Variants in KMO observed in about 807,000 individuals in gnomAD.
KMO encodes kynurenine 3-hydroxylase.
KMO carries 24 observed loss-of-function variants against 57.8 expected under a neutral mutation model. The observed-to-expected ratio is 0.42, with a 90% confidence interval of 0.30 to 0.58. The LOEUF is 0.58. Among genes scored for constraint, KMO ranks in the 20% least tolerant of loss-of-function variants. The pLI, the probability that KMO is intolerant of heterozygous loss-of-function variation, is 0.22. For missense variants in KMO, 483 were observed against 588.2 expected, an observed-to-expected ratio of 0.82 and a Z score of 1.85; for synonymous variants, 210 against 193.6, an observed-to-expected ratio of 1.08 and a Z score of -0.70.
At chr1:241,551,925 G>T (rs984604965) in intron 4 of KMO, among the ~76,000 whole-genome samples, 1 of 152,094 alleles carries the variant, frequency 6.6e-6, no homozygotes, top group Admixed American at 6.6e-5. Flanking sequence ...ACGAGCTTCC[G>T]GGTGTTTACT....
Position 241,532,453 on chromosome 1 carries a change from ATC to A in KMO, c.11_12del (p.Ser4CysfsTer31). MDS[S>X]VIQRKKVAVI... Reference sequence around the variant, plus strand: ...AAAATACTTCAGCAGTTATGGACTCATCTGTCATTCAAAGGAAAAAAGTAGCT... The same window carrying A: ...AAAATACTTCAGCAGTTATGGACTCATGTCATTCAAAGGAAAAAAGTAGCT... On this transcript the variant is annotated frameshift_variant, in exon 1 of 15. Coordinates refer to ENST00000366559, the MANE Select transcript of KMO (RefSeq NM_003679.5). LOFTEE classifies it high-confidence loss of function. 1.2e-6 allele frequency: 2 copies of A among 1,611,116 alleles called. No homozygotes were observed. The highest frequency in any genetic ancestry group is 1.7e-6 in the Non-Finnish European group (2 of 1,179,300).
intron 7 of KMO, among the ~76,000 whole-genome samples, chr1:241,563,527 A>AT (rs10599899): frequency 1.3e-5 from 2 of 151,820 alleles, no homozygotes; most frequent in East Asian, 1.9e-4. Flanking sequence ...GTATTCGCTA[A>AT]TTTTTTAGTG....
chr1:241,577,212 T>C (rs893026650), intron 10 of KMO, among the ~76,000 whole-genome samples: 8 of 152,260 alleles, frequency 5.3e-5, no homozygotes, highest in African/African-American at 1.9e-4. Context: ...TTAATAATGT[T>C]TTGACATCTT....
At chr1:241,568,711 T>TTA (rs1662170399) in intron 10 of KMO, 64 bp downstream of exon 10, 1 of 1,495,980 alleles carries the variant, frequency 6.7e-7, no homozygotes, top group African/African-American at 1.4e-5. Flanking sequence ...CTAACAAGTC[T>TTA]TACGTAAAAA....
intron 1 of KMO, among the ~76,000 whole-genome samples, chr1:241,540,919 C>T (rs1266062838): frequency 6.6e-6 from 1 of 151,918 alleles, no homozygotes; most frequent in Non-Finnish European, 1.5e-5. Flanking sequence ...AAAAAATTAG[C>T]CAGGCATAGC....
At chr1:241,587,640 C>T (rs1366261370) in intron 11 of KMO, among the ~76,000 whole-genome samples, 5 of 152,144 alleles carry the variant, frequency 3.3e-5, no homozygotes, top group African/African-American at 9.6e-5. Context: ...GACGGGGTTT[C>T]GTCATGTTGG....
At chr1:241,539,670 T>C (rs1380257951) in intron 1 of KMO, among the ~76,000 whole-genome samples, 1 of 152,162 alleles carries the variant, frequency 6.6e-6, no homozygotes, top group African/African-American at 2.4e-5. Flanking sequence ...CTCTAGACCA[T>C]CAATATTCTC....
chr1:241,584,605 CG>C (rs1411704820), intron 10 of KMO, among the ~76,000 whole-genome samples: 7 of 145,382 alleles, frequency 4.8e-5, no homozygotes, highest in Admixed American at 1.4e-4. Context: ...AAAGAAATAG[CG>C]TTTAAAAGTT....
At chr1:241,574,653 G>T (rs1046171371) in intron 10 of KMO, among the ~76,000 whole-genome samples, 3 of 151,916 alleles carry the variant, frequency 2.0e-5, no homozygotes, top group African/African-American at 7.2e-5. Flanking sequence ...TTGATGTGCT[G>T]TTGGATTTGG....
intron 12 of KMO, 39 bp downstream of exon 12, chr1:241,588,869 C>A: frequency 7.3e-7 from 1 of 1,375,106 alleles, no homozygotes; most frequent in Non-Finnish European, 1.0e-6. Context: ...TGAGATGGTT[C>A]ACTGATATTC....
rs993668731 is a variant in KMO, at chr1:241,586,356, A to G, written c.958-323A>G. Among the ~76,000 whole-genome samples, 19 of 151,384 alleles carry G rather than the reference A, an allele frequency of 1.3e-4. 1 individual carries two copies. The highest frequency in any genetic ancestry group is 6.6e-5 in the Admixed American group (1 of 15,180). On this transcript the variant is annotated intron_variant, in intron 10 of 14. Coordinates refer to ENST00000366559, the MANE Select transcript of KMO (RefSeq NM_003679.5). ...TGGGACCACAGGCACACACCACCAC[A>G]TCCAGCTATTATTTTGTATTTTTAG...
At position 241,594,244 on chromosome 1, in the gene KMO, A is replaced by G. The variant is rs1219692138; in HGVS notation, c.*2091A>G. On this transcript the variant is annotated 3_prime_UTR_variant, in exon 15 of 15. Transcript: ENST00000366559. ...ATTATGTAAAGCACCCGTTGAATTA[A>G]AAGAATTTGTTTTTGTTCAACCTCT... The G allele has an allele frequency of 5.1e-6, 3 of 582,526 alleles. No homozygotes were observed. The highest frequency in any genetic ancestry group is 8.6e-6 in the Non-Finnish European group (3 of 349,450). The allele number at this position is 582,526 out of a possible 1,614,324, so 36.1% of individuals were successfully genotyped here.
chr1:241,573,877 T>C (rs562885421), intron 10 of KMO, among the ~76,000 whole-genome samples: 5 of 152,318 alleles, frequency 3.3e-5, no homozygotes, highest in African/African-American at 1.2e-4. Flanking sequence ...ATATTAACAA[T>C]ATTGTATCTT....
chr1:241,583,169 C>T (rs1662824660), intron 10 of KMO, among the ~76,000 whole-genome samples: 1 of 152,186 alleles, frequency 6.6e-6, no homozygotes, highest in South Asian at 2.1e-4. Context: ...CCATGCTAGG[C>T]TGCCTGGAGT....
At chr1:241,590,168 A>G (rs1199967495) in intron 13 of KMO, 36 bp from the exon 14 acceptor site, 10 of 1,608,294 alleles carry the variant, frequency 6.2e-6, no homozygotes, top group Non-Finnish European at 6.0e-6. Flanking sequence ...TAGCTGTTAA[A>G]GAATACACAA....
At chr1:241,562,380 G>T in intron 7 of KMO, 48 bp downstream of exon 7, 1 of 1,576,774 alleles carries the variant, frequency 6.3e-7, no homozygotes, top group Non-Finnish European at 8.7e-7. Flanking sequence ...CTTGCTCCAT[G>T]AGCGCGAATG....
In KMO at chr1:241,534,849, C is replaced by T. The variant is rs183119879; in HGVS notation, c.54+2351C>T. On this transcript the variant is annotated intron_variant, in intron 1 of 14. Coordinates refer to ENST00000366559, the MANE Select transcript of KMO (RefSeq NM_003679.5). ...ATCTCCCATTACAAATAAAATAAAA[C>T]CCAAACTCTTTACCAAAGGTCTTGT... 7.1e-3 allele frequency among the ~76,000 whole-genome samples: 1,079 copies of T among 152,308 alleles called. 8 individuals are homozygous for T. Among genetic ancestry groups the T allele is most frequent in the South Asian group, 0.013 (65 of 4,828 alleles).
intron 6 of KMO, among the ~76,000 whole-genome samples, chr1:241,561,137 C>G (rs3765806): frequency 0.28 from 42,599 of 151,970 alleles, 6,328 homozygotes; most frequent in Middle Eastern, 0.35. Flanking sequence ...AGCCTCATAT[C>G]CCACTCTTGC....
intron 10 of KMO, among the ~76,000 whole-genome samples, chr1:241,573,517 T>G (rs1298633675): frequency 6.6e-6 from 1 of 152,172 alleles, no homozygotes; most frequent in East Asian, 1.9e-4. Flanking sequence ...CCCAGCACCA[T>G]TTATTAAATA....
Sources: gnomAD v4.1 joint callset for allele counts (sites outside exome capture counted in the v4.1 genomes callset) on GRCh38, gnomAD v4.1.1 for gene constraint, MANE v1.5 for transcripts, NCBI Gene and HGNC (gene_info 2026-07-23, HGNC 2026-07-21) for gene names.